DYNLRB1: variants seen among roughly 807,000 people sequenced by gnomAD.
DYNLRB1 encodes dynein light chain roadblock-type 1.
Under a neutral mutation model 13.5 loss-of-function variants are expected in DYNLRB1, and 6 were observed. That is an observed-to-expected ratio of 0.44 (90% CI 0.24 to 0.88). The LOEUF is 0.88. Among genes scored for constraint, DYNLRB1 ranks in the 40% least tolerant of loss-of-function variants. The probability of loss-of-function intolerance (pLI) is 0.21; values close to 1 mark genes in which losing one functional copy is unlikely to be tolerated. For missense variants in DYNLRB1, 93 were observed against 127.2 expected (o/e 0.73, Z 1.29); for synonymous variants, 43 against 45.0 (o/e 0.96, Z 0.18).
chr20:34,517,564 T>C (rs1979343981), intron 1 of DYNLRB1, among the ~76,000 whole-genome samples: 1 of 152,106 alleles, frequency 6.6e-6, no homozygotes. Flanking sequence ...GCATATGATG[T>C]GTAATGATCA....
At chr20:34,516,528 C>T (rs1979197190) in intron 1 of DYNLRB1, 67 bp downstream of exon 1, 7 of 1,602,776 alleles carry the variant, frequency 4.4e-6, no homozygotes, top group African/African-American at 1.3e-5. Context: ...TTCAGTCTTC[C>T]GAGGATGAGG....
chr20:34,530,341 A>C, intron 2 of DYNLRB1: 2 of 957,664 alleles, frequency 2.1e-6, no homozygotes, highest in Non-Finnish European at 2.5e-6. Context: ...TACTTAACTT[A>C]TCAGCTATGT....
At chr20:34,520,147 T>A (rs1353295774) in intron 1 of DYNLRB1, among the ~76,000 whole-genome samples, 1 of 152,028 alleles carries the variant, frequency 6.6e-6, no homozygotes, top group Non-Finnish European at 1.5e-5. Context: ...TAAATAAAAT[T>A]AAAAAATAAT....
At chr20:34,518,260 A>G (rs535110563) in intron 1 of DYNLRB1, among the ~76,000 whole-genome samples, 3 of 152,094 alleles carry the variant, frequency 2.0e-5, no homozygotes, top group Admixed American at 2.0e-4. Flanking sequence ...TTTGGTTACT[A>G]TACCTTTCTG....
In DYNLRB1 at chr20:34,523,143, G is replaced by A. The variant is rs576508031; in HGVS notation, c.4-3125G>A. On this transcript the variant is annotated intron_variant, in intron 1 of 3. Transcript: ENST00000357156. ...CTGATGTCAGAGAAGCCTCCTGCGG[G>A]CTCTGGAGCTGAGTCCAAAGGGTTG... Among the ~76,000 whole-genome samples the A allele has an allele frequency of 4.6e-5, 7 of 152,262 alleles. No individual in the cohort carries two copies. The South Asian group carries it at 1.5e-3, about 32-fold the overall frequency.
intron 1 of DYNLRB1, among the ~76,000 whole-genome samples, chr20:34,521,815 G>A (rs529049091): frequency 6.6e-6 from 1 of 152,326 alleles, no homozygotes; most frequent in East Asian, 1.9e-4. Flanking sequence ...GGGAGGCCAA[G>A]GCAGTAGATC....
chr20:34,528,606 A>G (rs1980448249), intron 2 of DYNLRB1, among the ~76,000 whole-genome samples: 1 of 152,190 alleles, frequency 6.6e-6, no homozygotes, highest in Non-Finnish European at 1.5e-5. Context: ...TTGAGAGGAA[A>G]TAATCCCAAA....
intron 2 of DYNLRB1, chr20:34,529,880 A>G: frequency 6.5e-7 from 1 of 1,527,022 alleles, no homozygotes; most frequent in Non-Finnish European, 8.8e-7. Context: ...GACACTGTGG[A>G]GACAGGAGCA....
intron 1 of DYNLRB1, among the ~76,000 whole-genome samples, chr20:34,521,343 C>T (rs1480584965): frequency 1.3e-5 from 2 of 152,138 alleles, no homozygotes; most frequent in South Asian, 2.1e-4. Flanking sequence ...GGATGATGAC[C>T]ATGGTTTGAT....
At chr20:34,529,327 T>C (rs568329125) in intron 2 of DYNLRB1, among the ~76,000 whole-genome samples, 1 of 152,226 alleles carries the variant, frequency 6.6e-6, no homozygotes, top group Non-Finnish European at 1.5e-5. Flanking sequence ...TATGTGTGTC[T>C]TCAGTCTAGG....
intron 1 of DYNLRB1, among the ~76,000 whole-genome samples, chr20:34,523,513 C>T (rs981970620): frequency 1.3e-5 from 2 of 152,146 alleles, no homozygotes; most frequent in Non-Finnish European, 2.9e-5. Flanking sequence ...CTGAACATAC[C>T]GGATGCTTGC....
intron 2 of DYNLRB1, among the ~76,000 whole-genome samples, chr20:34,534,215 A>G (rs1980942809): frequency 6.6e-6 from 1 of 152,256 alleles, no homozygotes; most frequent in Non-Finnish European, 1.5e-5. Flanking sequence ...ACAAAAAAAT[A>G]AAAACCTGAT....
rs118137991 is a variant in DYNLRB1, at chr20:34,518,607, C to G, written c.3+2146C>G. ...GGACTACTGGTGCACGCCACCACAC[C>G]CTGCTAATTTTTTTGTATTTTTTTT... On this transcript the variant is annotated intron_variant, in intron 1 of 3. Coordinates refer to ENST00000357156, the MANE Select transcript of DYNLRB1 (RefSeq NM_014183.4). Among the ~76,000 whole-genome samples the G allele has an allele frequency of 2.2e-3, 329 of 151,984 alleles. 1 individual carries two copies. Among genetic ancestry groups the G allele is most frequent in the Non-Finnish European group, 2.8e-3 (187 of 67,968 alleles).
chr20:34,536,518 A>C (rs1981153782), intron 3 of DYNLRB1: 1 of 977,470 alleles, frequency 1.0e-6, no homozygotes, highest in Non-Finnish European at 1.2e-6. Context: ...AGGCCAAGGC[A>C]GGCGGATCAC....
At chr20:34,528,983 T>TAA (rs113792309) in intron 2 of DYNLRB1, among the ~76,000 whole-genome samples, 17 of 141,596 alleles carry the variant, frequency 1.2e-4, no homozygotes, top group African/African-American at 3.9e-4. Context: ...CTTGTCTCTT[T>TAA]AAAAAAAAAA....
intron 2 of DYNLRB1, among the ~76,000 whole-genome samples, chr20:34,532,737 C>T (rs1980809741): frequency 6.6e-6 from 1 of 152,154 alleles, no homozygotes. Context: ...ATGACTGCAA[C>T]CTGTTCTCCT....
At chr20:34,518,141 GT>G (rs1036299522) in intron 1 of DYNLRB1, among the ~76,000 whole-genome samples, 2 of 150,798 alleles carry the variant, frequency 1.3e-5, no homozygotes, top group African/African-American at 4.9e-5. Flanking sequence ...GTTTTGTTTT[GT>G]TTTTTCGATG....
intron 2 of DYNLRB1, among the ~76,000 whole-genome samples, chr20:34,533,294 G>A (rs982743799): frequency 3.3e-5 from 5 of 152,210 alleles, no homozygotes; most frequent in Non-Finnish European, 7.3e-5. Context: ...GGGCTGGGGA[G>A]GTCTGTGGAC....
At chr20:34,537,454 T>G (rs1176348530) in intron 3 of DYNLRB1, among the ~76,000 whole-genome samples, 1 of 152,136 alleles carries the variant, frequency 6.6e-6, no homozygotes, top group Non-Finnish European at 1.5e-5. Flanking sequence ...AATGAATGAC[T>G]CTGTAAACCT....
Sources: allele counts gnomAD v4.1 joint callset (sites outside exome capture counted in the v4.1 genomes callset), GRCh38; gene constraint gnomAD v4.1.1; transcripts MANE v1.5; gene names NCBI Gene and HGNC (gene_info 2026-07-23, HGNC 2026-07-21).